The following GRK4 variants were observed in gnomAD, a reference collection of about 807,000 sequenced individuals.
GRK4 encodes G protein-coupled receptor kinase 4, also known as G protein-coupled receptor kinase 2-like.
GRK4 carries 73 observed loss-of-function variants against 77.9 expected under a neutral mutation model. The observed-to-expected ratio is 0.94, with a 90% confidence interval of 0.78 to 1.14. The LOEUF is 1.14. GRK4 is among the 50% of genes most tolerant of loss of function. The pLI, the probability that GRK4 is intolerant of heterozygous loss-of-function variation, is 0.00. For synonymous variants in GRK4, 257 were observed against 254.4 expected, an observed-to-expected ratio of 1.01 and a Z score of -0.10; for missense variants, 729 against 700.2, an observed-to-expected ratio of 1.04 and a Z score of -0.46.
chr4:2,977,185 T>A (rs186112242), intron 1 of GRK4, among the ~76,000 whole-genome samples: 1 of 152,290 alleles, frequency 6.6e-6, no homozygotes, highest in Admixed American at 6.5e-5. Context: ...TTATTGCTGC[T>A]TACAAAGCCA....
chr4:3,007,669 C>T, intron 5 of GRK4, 67 bp from the exon 6 acceptor site: 2 of 1,015,256 alleles, frequency 2.0e-6, no homozygotes, highest in South Asian at 3.4e-5. Flanking sequence ...TATTAATGCA[C>T]TAAAACACAC....
intron 1 of GRK4, chr4:2,965,183 G>C (rs1385426532): frequency 1.5e-6 from 1 of 669,526 alleles, no homozygotes; most frequent in Non-Finnish European, 2.8e-6. Context: ...TGAATCCACT[G>C]AGCTGGTGCG....
chr4:2,971,699 G>A (rs912978311), intron 1 of GRK4, among the ~76,000 whole-genome samples: 1 of 152,196 alleles, frequency 6.6e-6, no homozygotes, highest in Non-Finnish European at 1.5e-5. Context: ...CTTGGAGGCC[G>A]GAGTGCAAAA....
chr4:2,981,247 G>A (rs1722781584), intron 1 of GRK4, among the ~76,000 whole-genome samples: 1 of 152,254 alleles, frequency 6.6e-6, no homozygotes, highest in African/African-American at 2.4e-5. Flanking sequence ...AACGTGGTGA[G>A]TTGGGGGGTG....
intron 2 of GRK4, among the ~76,000 whole-genome samples, chr4:2,987,471 C>T (rs771119910): frequency 1.2e-4 from 18 of 152,084 alleles, no homozygotes; most frequent in Non-Finnish European, 2.5e-4. Context: ...ATGTACAGTT[C>T]GGTGGCATTG....
chr4:2,998,576 CA>C (rs59296322), intron 4 of GRK4, among the ~76,000 whole-genome samples: 3,209 of 148,014 alleles, frequency 0.022, 45 homozygotes, highest in African/African-American at 0.04. Context: ...AATTAAAATC[CA>C]AAAAAAAAGA....
chr4:2,988,075 CAAAA>C (rs67664476), intron 2 of GRK4, among the ~76,000 whole-genome samples: 8 of 33,686 alleles, frequency 2.4e-4, no homozygotes, highest in South Asian at 2.2e-3. Flanking sequence ...GGCTCTGTCT[CAAAA>C]AAAAAAAAAA....
chr4:2,988,772 G>T lies in GRK4; in HGVS notation c.194G>T (p.Arg65Leu), dbSNP rs2960306. 551,660 of 1,609,242 alleles carry T rather than the reference G, an allele frequency of 0.34. 99,042 individuals carry two copies. The highest frequency in any genetic ancestry group is 0.5 in the African/African-American group (37,611 of 74,846). ...TGTGACAAGCAACCGATAGGAAGAC[G>T]TCTCTTCAGGCAGTTCTGTGATACC... ...SLCDKQPIGR[R>L]LFRQFCDTKP... The change falls in exon 3 of 16, where the codon CGT (arginine) becomes CTT (leucine). Residue 65 changes from arginine (R) to leucine (L), a missense_variant. Physicochemically the swap from Arg to Leu is moderately radical, Grantham distance 102. Coordinates refer to ENST00000398052, the MANE Select transcript of GRK4 (RefSeq NM_182982.3).
chr4:3,007,597 T>C, intron 5 of GRK4, 139 bp from the exon 6 acceptor site: 1 of 522,972 alleles, frequency 1.9e-6, no homozygotes. Flanking sequence ...CGTGGACTTC[T>C]GTAATTGCAA....
rs59004154 is a variant in GRK4 at position 3,008,630 on chromosome 4, C to T, written c.536+802C>T. Among the ~76,000 whole-genome samples the T allele has an allele frequency of 4.7e-3, 708 of 152,074 alleles. 5 individuals carry two copies. The highest frequency in any genetic ancestry group is 0.016 in the African/African-American group (682 of 41,470). On this transcript the variant is annotated intron_variant, in intron 6 of 15. Coordinates refer to ENST00000398052, the MANE Select transcript of GRK4 (RefSeq NM_182982.3). ...CCAGCCTGGCCAAAATGGTGAAACC[C>T]GTCTCTACTAGAACTACAAAACTTA...
In GRK4 at chr4:2,984,509, T is replaced by C. The variant is rs1723701837; in HGVS notation, c.53-4T>C. Reference sequence around the variant, plus strand: ...GGAAATTGCCTTTTTTCTCCCAAATTCAGGAGGATATGGCAAAAAAAGTGG... The same window carrying C: ...GGAAATTGCCTTTTTTCTCCCAAATCCAGGAGGATATGGCAAAAAAAGTGG... On this transcript the variant is annotated splice_polypyrimidine_tract_variant and splice_region_variant and intron_variant, in intron 1 of 15. Transcript: ENST00000398052. 1 of 1,594,886 alleles carries C rather than the reference T, an allele frequency of 6.3e-7. No homozygotes were observed. The highest frequency in any genetic ancestry group is 8.6e-7 in the Non-Finnish European group (1 of 1,163,978).
intron 1 of GRK4, among the ~76,000 whole-genome samples, chr4:2,971,951 T>G (rs1409694003): frequency 6.6e-6 from 1 of 152,182 alleles, no homozygotes; most frequent in African/African-American, 2.4e-5. Context: ...TGACCTAATT[T>G]TAACTTAATT....
intron 7 of GRK4, among the ~76,000 whole-genome samples, chr4:3,010,503 A>C (rs529953700): frequency 1.3e-4 from 20 of 152,276 alleles, no homozygotes; most frequent in African/African-American, 4.6e-4. Flanking sequence ...CTGGGATTAC[A>C]GGCGTGAGCC....
chr4:3,011,019 T>C (rs1732768971), intron 7 of GRK4, among the ~76,000 whole-genome samples: 1 of 152,192 alleles, frequency 6.6e-6, no homozygotes, highest in African/African-American at 2.4e-5. Context: ...CCCTCCATGA[T>C]AGATATTTCT....
At chr4:2,975,141 A>G (rs1257674742) in intron 1 of GRK4, among the ~76,000 whole-genome samples, 1 of 152,150 alleles carries the variant, frequency 6.6e-6, no homozygotes, top group Middle Eastern at 3.2e-3. Flanking sequence ...TGTCTCTACC[A>G]AAAATACAAA....
chr4:2,967,792 A>AT (rs931599313), intron 1 of GRK4, among the ~76,000 whole-genome samples: 2 of 150,222 alleles, frequency 1.3e-5, no homozygotes, highest in East Asian at 2.0e-4. Context: ...TATAAAAACA[A>AT]TTTTTTTTTG....
chr4:3,029,438 A>G (rs772203037), intron 12 of GRK4, 29 bp downstream of exon 12: 1 of 1,572,628 alleles, frequency 6.4e-7, no homozygotes. Context: ...AGGCTGGGAA[A>G]TGGCACTTCT....
At chr4:3,029,678 C>T (rs927392747) in intron 12 of GRK4, among the ~76,000 whole-genome samples, 3 of 152,166 alleles carry the variant, frequency 2.0e-5, no homozygotes, top group East Asian at 1.9e-4. Context: ...AGGGAGGACA[C>T]GCGTGTTCAG....
rs376580264 is a variant in GRK4 at position 2,970,650 on chromosome 4, C to G, written c.52+6528C>G. 6.2e-3 allele frequency among the ~76,000 whole-genome samples: 924 copies of G among 149,992 alleles called. 6 individuals are homozygous for G. The highest frequency in any genetic ancestry group is 0.022 in the South Asian group (104 of 4,746). On this transcript the variant is annotated intron_variant, in intron 1 of 15. Coordinates refer to ENST00000398052, the MANE Select transcript of GRK4 (RefSeq NM_182982.3). ...TCCAACCTGGCGACACGGTGAGACT[C>G]CATCTCAAAAAAAAAAAAAAATGTT... is the stretch of plus-strand genomic sequence containing the variant.
Sources: allele counts gnomAD v4.1 joint callset (sites outside exome capture counted in the v4.1 genomes callset), GRCh38; gene constraint gnomAD v4.1.1; transcripts MANE v1.5; gene names NCBI Gene and HGNC (gene_info 2026-07-23, HGNC 2026-07-21).